The following SGCZ variants were observed in gnomAD, a reference collection of about 807,000 sequenced individuals.
SGCZ encodes the protein sarcoglycan zeta, also known as zeta-sarcoglycan.
SGCZ carries 40 observed loss-of-function variants against 41.3 expected under a neutral mutation model. The ratio of observed to expected loss-of-function variants is 0.97; its 90% CI spans 0.75 to 1.26. The LOEUF (loss-of-function observed/expected upper bound fraction) is 1.26. Among genes scored for constraint, SGCZ ranks in the 50% most tolerant of loss-of-function variants. SGCZ has a pLI of 0.00. For synonymous variants in SGCZ, 206 were observed against 137.5 expected (o/e 1.50, Z -3.49); for missense variants, 552 against 369.8 (o/e 1.49, Z -4.04).
At chr8:15,020,040 A>T (rs1751716177) in intron 1 of SGCZ, among the ~76,000 whole-genome samples, 1 of 151,876 alleles carries the variant, frequency 6.6e-6, no homozygotes, top group Non-Finnish European at 1.5e-5. Context: ...CATTTAGCGC[A>T]CGAACCAAAA....
chr8:14,905,041 C>T (rs1233205414), intron 1 of SGCZ, among the ~76,000 whole-genome samples: 3 of 151,856 alleles, frequency 2.0e-5, no homozygotes, highest in Non-Finnish European at 4.4e-5. Flanking sequence ...TATTGGGGCC[C>T]TTCATTTGGA....
intron 4 of SGCZ, among the ~76,000 whole-genome samples, chr8:14,204,376 T>C (rs940152842): frequency 2.6e-5 from 4 of 152,086 alleles, no homozygotes; most frequent in African/African-American, 9.7e-5. Context: ...ATTCTGTCTT[T>C]TCCCTGATTT....
chr8:15,024,861 C>G (rs546723859), intron 1 of SGCZ, among the ~76,000 whole-genome samples: 7 of 151,722 alleles, frequency 4.6e-5, no homozygotes, highest in African/African-American at 1.7e-4. Context: ...GCGTGAACCC[C>G]GGAGGCGGAG....
rs75345073 is a variant in SGCZ, at chr8:14,104,317, A to G, written c.621-1818T>C. 2.6e-3 allele frequency among the ~76,000 whole-genome samples: 394 copies of G among 152,210 alleles called. 3 individuals carry two copies. Among genetic ancestry groups the G allele is most frequent in the African/African-American group, 9.3e-3 (386 of 41,540 alleles). ...GGGTACCTGGGATTATGGCAGAGAG[A>G]AGGATAGTCCCTCTACCACCTGGTT... On this transcript the variant is annotated intron_variant, in intron 6 of 7. Transcript: ENST00000382080.
At chr8:14,135,478 T>G (rs1803167870) in intron 5 of SGCZ, among the ~76,000 whole-genome samples, 1 of 152,260 alleles carries the variant, frequency 6.6e-6, no homozygotes, top group South Asian at 2.1e-4. Context: ...TTCTCCCAGA[T>G]GAGTGAATGA....
chr8:14,482,311 G>T (rs12543647), intron 2 of SGCZ, among the ~76,000 whole-genome samples: 36,704 of 152,062 alleles, frequency 0.24, 5,373 homozygotes, highest in Non-Finnish European at 0.32. Flanking sequence ...ACCTTTTACG[G>T]AAAGCATACA....
chr8:15,192,048 C>G (rs975120159), intron 1 of SGCZ, among the ~76,000 whole-genome samples: 4 of 152,042 alleles, frequency 2.6e-5, no homozygotes, highest in African/African-American at 9.7e-5. Context: ...ATATTTAGCA[C>G]TTCATAATTA....
intron 1 of SGCZ, among the ~76,000 whole-genome samples, chr8:14,574,205 C>G (rs551607157): frequency 8.5e-5 from 13 of 152,192 alleles, no homozygotes; most frequent in African/African-American, 2.9e-4. Flanking sequence ...TGTTGGGGCT[C>G]AGAAAACGAT....
intron 1 of SGCZ, among the ~76,000 whole-genome samples, chr8:14,718,676 T>C (rs571989585): frequency 6.6e-5 from 10 of 151,822 alleles, no homozygotes; most frequent in African/African-American, 2.4e-4. Flanking sequence ...ACTGTCCTAC[T>C]GAAGATAAAT....
chr8:14,309,236 T>C (rs1801446334), intron 3 of SGCZ: 4 of 1,519,468 alleles, frequency 2.6e-6, no homozygotes, highest in South Asian at 2.2e-5. Context: ...TGAAGACTTC[T>C]GGGCTCTGTA....
chr8:14,661,692 G>T (rs1333898104), intron 1 of SGCZ, among the ~76,000 whole-genome samples: 1 of 152,072 alleles, frequency 6.6e-6, no homozygotes, highest in Non-Finnish European at 1.5e-5. Context: ...TCACATCTTG[G>T]AGTCTCTCTT....
At chr8:14,661,993 C>T (rs1807765972) in intron 1 of SGCZ, among the ~76,000 whole-genome samples, 1 of 152,066 alleles carries the variant, frequency 6.6e-6, no homozygotes, top group African/African-American at 2.4e-5. Flanking sequence ...AATCACTAGA[C>T]TTATATTATT....
rs568865562 is a variant in SGCZ at position 14,191,892 on chromosome 8, C to A, written c.425-27190G>T. 5.3e-5 allele frequency among the ~76,000 whole-genome samples: 8 copies of A among 152,012 alleles called. No homozygotes were observed. In the East Asian group the frequency reaches 1.5e-3, roughly 29 times the overall value. ...ATCCTGTAGGATTCCTCAACCTAGT[C>A]ATAATACTGAAATTTTATCTAAAAA... On this transcript the variant is annotated intron_variant, in intron 4 of 7. Coordinates refer to ENST00000382080, the MANE Select transcript of SGCZ (RefSeq NM_139167.4).
chr8:14,269,039 T>A (rs1471353641), intron 3 of SGCZ, among the ~76,000 whole-genome samples: 1 of 151,914 alleles, frequency 6.6e-6, no homozygotes, highest in Non-Finnish European at 1.5e-5. Flanking sequence ...ACAATAATAA[T>A]CACAAAATCC....
chr8:14,102,089 T>G (rs1269888960), intron 7 of SGCZ, among the ~76,000 whole-genome samples: 8 of 99,952 alleles, frequency 8.0e-5, no homozygotes, highest in African/African-American at 3.5e-4. Flanking sequence ...TATATATATA[T>G]ATATATATAT....
intron 1 of SGCZ, among the ~76,000 whole-genome samples, chr8:15,141,509 T>C (rs1808319185): frequency 6.6e-6 from 1 of 152,218 alleles, no homozygotes; most frequent in African/African-American, 2.4e-5. Flanking sequence ...TAGGAAGTAA[T>C]TGTACTCTCA....
chr8:15,049,177 A>T (rs983196694), intron 1 of SGCZ, among the ~76,000 whole-genome samples: 1 of 152,050 alleles, frequency 6.6e-6, no homozygotes, highest in Non-Finnish European at 1.5e-5. Flanking sequence ...AATAACTGGA[A>T]GGAGAATAGG....
intron 1 of SGCZ, among the ~76,000 whole-genome samples, chr8:15,108,270 TA>T (rs1473805368): frequency 4.6e-5 from 7 of 152,316 alleles, no homozygotes; most frequent in Non-Finnish European, 8.8e-5. Context: ...GGTTCTCAGT[TA>T]TTTTTTTTAG....
At chr8:14,109,240 G>C (rs1802302341) in intron 5 of SGCZ, among the ~76,000 whole-genome samples, 1 of 152,152 alleles carries the variant, frequency 6.6e-6, no homozygotes, top group Non-Finnish European at 1.5e-5. Flanking sequence ...CTTTTCTCAG[G>C]AGGTTGAAGG....
Sources: gnomAD v4.1 joint callset for allele counts (sites outside exome capture counted in the v4.1 genomes callset) on GRCh38, gnomAD v4.1.1 for gene constraint, MANE v1.5 for transcripts, NCBI Gene and HGNC (gene_info 2026-07-23, HGNC 2026-07-21) for gene names.